Variants in COMMD8 observed in about 807,000 individuals in gnomAD.
COMMD8 encodes COMM domain-containing protein 8.
In COMMD8, 28 loss-of-function variants were observed where a neutral mutation model predicts 27.2. That is an observed-to-expected ratio of 1.03 (90% CI 0.76 to 1.41). The LOEUF (loss-of-function observed/expected upper bound fraction) is 1.41. Among genes scored for constraint, COMMD8 ranks in the 40% most tolerant of loss-of-function variants. COMMD8 has a pLI of 0.00. For missense variants in COMMD8, 217 were observed against 211.2 expected, an observed-to-expected ratio of 1.03 and a Z score of -0.17; for synonymous variants, 79 against 75.5, an observed-to-expected ratio of 1.05 and a Z score of -0.24.
chr4:47,456,745 C>T lies in COMMD8; in HGVS notation c.223-16G>A. 1 of 1,556,194 alleles carries T rather than the reference C, an allele frequency of 6.4e-7. No individual in the cohort carries two copies. Among genetic ancestry groups the T allele is most frequent in the Non-Finnish European group, 8.6e-7 (1 of 1,157,172 alleles). On this transcript the variant is annotated splice_polypyrimidine_tract_variant and intron_variant, in intron 2 of 4. Coordinates refer to ENST00000381571, the MANE Select transcript of COMMD8 (RefSeq NM_017845.5). ...GCTGAAATATCTATAAAAATAAAAA[C>T]AGGCAAAAGGGGCTTTCTGTTTAAA...
At chr4:47,460,362 T>A in intron 1 of COMMD8, 63 bp from the exon 2 acceptor site, 2 of 1,394,696 alleles carry the variant, frequency 1.4e-6, no homozygotes, top group Non-Finnish European at 2.0e-6. Context: ...TTTATCTTCC[T>A]CTTAACAAAC....
At chr4:47,452,971 TG>T in intron 4 of COMMD8, 87 bp downstream of exon 4, 2 of 1,198,300 alleles carry the variant, frequency 1.7e-6, no homozygotes, top group Non-Finnish European at 2.3e-6. Flanking sequence ...CCCTCCAGCC[TG>T]GGTGACAGAG....
chr4:47,451,289 T>A lies in COMMD8; in HGVS notation c.*356A>T, dbSNP rs1729745808. On this transcript the variant is annotated 3_prime_UTR_variant, in exon 5 of 5. Coordinates refer to ENST00000381571, the MANE Select transcript of COMMD8 (RefSeq NM_017845.5). ...TATTCACACAATTCTTTAAGCAATA[T>A]TCAAGTATATTTGTGCTTTATATTT... is the stretch of plus-strand genomic sequence containing the variant. The A allele has an allele frequency of 4.2e-6, 1 of 238,200 alleles. No homozygotes were observed. 14.8% of individuals were successfully genotyped at this position (238,200 alleles called of 1,614,324 possible). A position where few individuals can be genotyped will look rare whatever the true frequency, so the allele number is the denominator to read the frequency against.
chr4:47,460,227 C>A lies in COMMD8; in HGVS notation c.139G>T (p.Glu47Ter), dbSNP rs1311503700. The stretch of plus-strand genomic sequence containing the variant: ...AAAACGTGCATCCATTCTTCTGATT[C>A]CCAAACAGTGTGATAATCTTGGTAC... The part of the protein sequence containing the change: ...PVYQDYHTVW[E>*]SEEWMHVLED... The change falls in exon 2 of 5, where the codon GAA (glutamate) becomes TAA (stop). Residue 47 changes from glutamate (E) to a stop codon, truncating the protein, a stop_gained. Transcript: ENST00000381571. LOFTEE classifies it high-confidence loss of function. 7.4e-6 allele frequency: 12 copies of A among 1,613,354 alleles called. No individual in the cohort carries two copies. Among genetic ancestry groups the A allele is most frequent in the Middle Eastern group, 3.3e-4 (2 of 6,054 alleles).
rs756510679 is a variant in COMMD8 at position 47,451,662 on chromosome 4, C to A, written c.535G>T (p.Val179Phe). 2 of 1,579,130 alleles carry A rather than the reference C, an allele frequency of 1.3e-6. No homozygotes were observed. Among genetic ancestry groups the A allele is most frequent in the Non-Finnish European group, 1.7e-6 (2 of 1,166,770 alleles). ...ATTTCCAGTTATTTCAACTGCAGGA[C>A]CACCTTAAAACACAAATTGAAGAGA... ...IQSLEAANKV[V>F]LQLK The change falls in exon 5 of 5, where the codon GTC becomes TTC. Residue 179 changes from valine to phenylalanine, a missense_variant. Coordinates refer to ENST00000381571, the MANE Select transcript of COMMD8 (RefSeq NM_017845.5).
intron 3 of COMMD8, among the ~76,000 whole-genome samples, chr4:47,456,059 A>G (rs1729877151): frequency 6.6e-6 from 1 of 152,014 alleles, no homozygotes; most frequent in South Asian, 2.1e-4. Flanking sequence ...AGCCTAGCCA[A>G]AATGGCAAAA....
chr4:47,453,061 T>C lies in COMMD8; in HGVS notation c.529A>G (p.Lys177Glu). Reference sequence around the variant, plus strand: ...TATGACAAAATTATAGCAAATACCTTATTCGCTGCTTCCAAGGACTGTATT... The same window carrying C: ...TATGACAAAATTATAGCAAATACCTCATTCGCTGCTTCCAAGGACTGTATT... ...NLIQSLEAAN[K>E]VVLQLK The change falls in exon 4 of 5, where the codon AAG becomes GAG. Residue 177 changes from lysine to glutamate, a missense_variant and splice_region_variant. By Grantham distance (56) the Lys-to-Glu change is moderately conservative. Transcript: ENST00000381571. 6.3e-7 allele frequency: 1 copy of C among 1,599,556 alleles called. No individual in the cohort carries two copies. Among genetic ancestry groups the C allele is most frequent in the Non-Finnish European group, 8.5e-7 (1 of 1,174,452 alleles).
intron 4 of COMMD8, 91 bp downstream of exon 4, chr4:47,452,968 G>C (rs1319634829): frequency 8.5e-7 from 1 of 1,175,488 alleles, no homozygotes; most frequent in East Asian, 2.4e-5. Flanking sequence ...TGCCCCTCCA[G>C]CCTGGGTGAC....
At chr4:47,455,984 G>A (rs906556744) in intron 3 of COMMD8, among the ~76,000 whole-genome samples, 4 of 152,030 alleles carry the variant, frequency 2.6e-5, no homozygotes, top group African/African-American at 7.2e-5. Flanking sequence ...GATGGCTCAC[G>A]CCTGTAATCC....
intron 3 of COMMD8, among the ~76,000 whole-genome samples, chr4:47,455,818 G>A (rs1378029199): frequency 6.6e-6 from 1 of 152,062 alleles, no homozygotes; most frequent in Non-Finnish European, 1.5e-5. Flanking sequence ...TCTTCTTTAT[G>A]AACTCTACTG....
At chr4:47,463,555 C>G in intron 1 of COMMD8, 31 bp downstream of exon 1, 1 of 1,536,788 alleles carries the variant, frequency 6.5e-7, no homozygotes, top group Non-Finnish European at 8.7e-7. Context: ...ATCCCAGGCC[C>G]CGCGCCGCTT....
Position 47,451,577 on chromosome 4 carries a change from G to C in COMMD8, c.*68C>G, listed in dbSNP as rs370817599. On this transcript the variant is annotated 3_prime_UTR_variant, in exon 5 of 5. Coordinates refer to ENST00000381571, the MANE Select transcript of COMMD8 (RefSeq NM_017845.5). Reference sequence around the variant, plus strand: ...AAGACATCACAAGGTTTCTGAACACGCAGTATTCACTCTGCCATATAAGTT... The same window carrying C: ...AAGACATCACAAGGTTTCTGAACACCCAGTATTCACTCTGCCATATAAGTT... The C allele has an allele frequency of 8.4e-7, 1 of 1,187,176 alleles. No homozygotes were observed. The highest frequency in any genetic ancestry group is 1.3e-6 in the Non-Finnish European group (1 of 799,600). The allele number at this position is 1,187,176 out of a possible 1,614,324, so 73.5% of individuals were successfully genotyped here.
chr4:47,463,276 G>A (rs982629631), intron 1 of COMMD8, among the ~76,000 whole-genome samples: 1 of 152,238 alleles, frequency 6.6e-6, no homozygotes, highest in Non-Finnish European at 1.5e-5. Context: ...GAGGTTATGT[G>A]TTGAATGAAT....
chr4:47,454,518 TAAG>T (rs544780180), intron 3 of COMMD8, among the ~76,000 whole-genome samples: 76 of 152,226 alleles, frequency 5.0e-4, no homozygotes, highest in Admixed American at 3.8e-3. Context: ...GATAATACAC[TAAG>T]AAGATATTAT....
At chr4:47,451,714 C>G in intron 4 of COMMD8, 49 bp from the exon 5 acceptor site, 1 of 1,394,534 alleles carries the variant, frequency 7.2e-7, no homozygotes. Context: ...AAGACTGATG[C>G]TGATATATTC....
At chr4:47,456,553 A>G (rs757644372) in intron 3 of COMMD8, 24 bp downstream of exon 3, 6 of 1,521,696 alleles carry the variant, frequency 3.9e-6, no homozygotes. Context: ...GAAATAAAAA[A>G]TACACATACT....
At chr4:47,460,067 AT>A (rs1729984119) in intron 2 of COMMD8, 76 bp downstream of exon 2, 2 of 1,200,098 alleles carry the variant, frequency 1.7e-6, no homozygotes, top group Non-Finnish European at 1.2e-6. Context: ...CCCTTGTATT[AT>A]ACATTGCTCT....
At position 47,460,254 on chromosome 4, in the gene COMMD8, C is replaced by G. The variant is rs765629578; in HGVS notation, c.112G>C (p.Val38Leu). ...CAAACAGTGTGATAATCTTGGTACA[C>G]AGGATAAGCTCGACCACAAATGCCA... ...IDGICGRAYP[V>L]YQDYHTVWES... The change falls in exon 2 of 5, where the codon GTG becomes CTG. Residue 38 changes from valine (V) to leucine (L), a missense_variant. By Grantham distance (32) the Val-to-Leu change is conservative (BLOSUM62 1). Coordinates refer to ENST00000381571, the MANE Select transcript of COMMD8 (RefSeq NM_017845.5). 1.2e-6 allele frequency: 2 copies of G among 1,613,222 alleles called. No homozygotes were observed. Among genetic ancestry groups the G allele is most frequent in the South Asian group, 1.1e-5 (1 of 90,994 alleles).
In COMMD8 at chr4:47,463,701, C is replaced by T. The variant is rs987428454; in HGVS notation, c.-50G>A. ...TCACGTGTCAAGGCTGGCCGCTTGT[C>T]TAAAGCTACGACTCGCCCACGTGAC... On this transcript the variant is annotated 5_prime_UTR_variant, in exon 1 of 5. Transcript: ENST00000381571. 3 of 1,500,420 alleles carry T rather than the reference C, an allele frequency of 2.0e-6. No individual in the cohort carries two copies. The highest frequency in any genetic ancestry group is 1.8e-6 in the Non-Finnish European group (2 of 1,115,402). 92.9% of individuals were successfully genotyped at this position (1,500,420 alleles called of 1,614,324 possible). A position where few individuals can be genotyped will look rare whatever the true frequency, so the allele number is the denominator to read the frequency against.
Sources: allele counts gnomAD v4.1 joint callset (sites outside exome capture counted in the v4.1 genomes callset), GRCh38; gene constraint gnomAD v4.1.1; transcripts MANE v1.5; gene names NCBI Gene and HGNC (gene_info 2026-07-23, HGNC 2026-07-21).